PLA2G6: variants seen among roughly 807,000 people sequenced by gnomAD.
PLA2G6 encodes 85/88 kDa calcium-independent phospholipase A2.
Under a neutral mutation model 83.8 loss-of-function variants are expected in PLA2G6, and 62 were observed. The ratio of observed to expected loss-of-function variants is 0.74; its 90% CI spans 0.60 to 0.91. PLA2G6 has a LOEUF of 0.91. Among genes scored for constraint, PLA2G6 ranks in the 40% least tolerant of loss-of-function variants. PLA2G6 has a pLI of 0.00. For missense variants in PLA2G6, 944 were observed against 1,102.0 expected, an observed-to-expected ratio of 0.86 and a Z score of 2.03; for synonymous variants, 417 against 449.8, an observed-to-expected ratio of 0.93 and a Z score of 0.92.
chr22:38,137,146 T>A (rs977809043), intron 5 of PLA2G6: 2 of 152,244 alleles, frequency 1.3e-5, no homozygotes, highest in African/African-American at 4.8e-5. Flanking sequence ...CAGCTGCTGT[T>A]CTCTATTATT....
At chr22:38,158,445 A>G (rs1301836440) in intron 2 of PLA2G6, among the ~76,000 whole-genome samples, 1 of 152,236 alleles carries the variant, frequency 6.6e-6, no homozygotes, top group Non-Finnish European at 1.5e-5. Context: ...TGCTGGGATT[A>G]CAGGCGTGAG....
chr22:38,135,961 G>C (rs2088526871), intron 5 of PLA2G6: 1 of 152,196 alleles, frequency 6.6e-6, no homozygotes, highest in Non-Finnish European at 1.5e-5. Context: ...GTGAAGGACT[G>C]AATGGATAAA....
intron 2 of PLA2G6, among the ~76,000 whole-genome samples, chr22:38,160,575 G>A (rs183112958): frequency 3.3e-5 from 5 of 152,280 alleles, no homozygotes; most frequent in East Asian, 1.9e-4. Flanking sequence ...GGCCGGGGGC[G>A]GTGGCTCACG....
At chr22:38,152,955 G>A (rs878924543) in intron 2 of PLA2G6, among the ~76,000 whole-genome samples, 2 of 152,048 alleles carry the variant, frequency 1.3e-5, no homozygotes, top group African/African-American at 2.4e-5. Flanking sequence ...ATAGGAAGAC[G>A]TCCTCCTGCG....
In PLA2G6 at chr22:38,126,573, C is replaced by T. The variant is rs2087874003; in HGVS notation, c.1349-124G>A. On this transcript the variant is annotated intron_variant, in intron 9 of 16. Transcript: ENST00000332509. ...GGCCACGCCCTCATCCCCCCACTCC[C>T]CCTGTCATCTGTCCCTTCCCCACAG... is the stretch of plus-strand genomic sequence containing the variant. 3 of 714,778 alleles carry T rather than the reference C, an allele frequency of 4.2e-6. 1 individual carries two copies. Among genetic ancestry groups the T allele is most frequent in the South Asian group, 2.9e-5 (2 of 68,792 alleles). The allele number at this position is 714,778 out of a possible 1,614,324, so 44.3% of individuals were successfully genotyped here.
At chr22:38,159,032 C>T (rs1218089638) in intron 2 of PLA2G6, among the ~76,000 whole-genome samples, 1 of 131,802 alleles carries the variant, frequency 7.6e-6, no homozygotes, top group East Asian at 2.0e-4. Flanking sequence ...AACCCCACCT[C>T]TACTAAAAAT....
At chr22:38,169,683 A>G (rs1398903541) in intron 1 of PLA2G6, among the ~76,000 whole-genome samples, 1 of 152,224 alleles carries the variant, frequency 6.6e-6, no homozygotes, top group Non-Finnish European at 1.5e-5. Flanking sequence ...CAGGCTGGCT[A>G]CCTAGAAGGC....
intron 1 of PLA2G6, among the ~76,000 whole-genome samples, chr22:38,174,901 A>AT (rs1267616135): frequency 6.6e-6 from 1 of 152,140 alleles, no homozygotes; most frequent in Non-Finnish European, 1.5e-5. Flanking sequence ...AGCTCCTCTC[A>AT]TGACGAGGAG....
chr22:38,125,273 A>G (rs1184296249), intron 10 of PLA2G6, among the ~76,000 whole-genome samples: 2 of 149,976 alleles, frequency 1.3e-5, no homozygotes, highest in Non-Finnish European at 3.0e-5. Context: ...CAACACATGC[A>G]TGTGGGCAAC....
chr22:38,165,272 C>T (rs577456031), intron 2 of PLA2G6, among the ~76,000 whole-genome samples: 1 of 152,356 alleles, frequency 6.6e-6, no homozygotes, highest in East Asian at 1.9e-4. Flanking sequence ...CTGCTGGGGG[C>T]TGGGCACACT....
intron 1 of PLA2G6, among the ~76,000 whole-genome samples, chr22:38,180,712 T>A (rs923529070): frequency 6.6e-6 from 1 of 152,216 alleles, no homozygotes; most frequent in Non-Finnish European, 1.5e-5. Context: ...AGGGCCATAC[T>A]GGTTATAAAG....
intron 7 of PLA2G6, 34 bp from the exon 8 acceptor site, chr22:38,129,596 C>T (rs2088086046): frequency 6.5e-7 from 1 of 1,536,792 alleles, no homozygotes; most frequent in Non-Finnish European, 9.0e-7. Flanking sequence ...AGACGTGCAA[C>T]TGCCGGGGAA....
chr22:38,137,896 G>A (rs2088652935), intron 5 of PLA2G6: 1 of 152,306 alleles, frequency 6.6e-6, no homozygotes, highest in Non-Finnish European at 1.5e-5. Flanking sequence ...AGTCTGAGCT[G>A]TGAGGGAACC....
rs986956139 is a variant in PLA2G6 at position 38,123,427 on chromosome 22, A to G, written c.1428-169T>C. On this transcript the variant is annotated intron_variant, in intron 10 of 16. Coordinates refer to ENST00000332509, the MANE Select transcript of PLA2G6 (RefSeq NM_003560.4). The surrounding 1 kb of genome is among the most constrained non-coding windows in gnomAD (Gnocchi z 4.1). Reference sequence around the variant, plus strand: ...CAGCGAGGGTGGGGGTGAGGGCAGTAAAGGAACAAATGTCTAGTATTTCAG... The same window carrying G: ...CAGCGAGGGTGGGGGTGAGGGCAGTGAAGGAACAAATGTCTAGTATTTCAG... 1.3e-5 allele frequency among the ~76,000 whole-genome samples: 2 copies of G among 152,170 alleles called. No individual in the cohort carries two copies. Among genetic ancestry groups the G allele is most frequent in the Non-Finnish European group, 2.9e-5 (2 of 68,024 alleles).
chr22:38,179,315 G>A (rs913826106), intron 1 of PLA2G6, among the ~76,000 whole-genome samples: 1 of 152,230 alleles, frequency 6.6e-6, no homozygotes, highest in Non-Finnish European at 1.5e-5. Context: ...CACTCTGGCT[G>A]GGTGTGGGGT....
chr22:38,131,827 G>A lies in PLA2G6; in HGVS notation c.1077+1004C>T, dbSNP rs549848564. On this transcript the variant is annotated intron_variant, in intron 7 of 16. Coordinates refer to ENST00000332509, the MANE Select transcript of PLA2G6 (RefSeq NM_003560.4). ...CACACGGTGGGGCGCGGTGGCTCAC[G>A]CCTGTAATCCCAGCACTTTGGGGTG... is the stretch of plus-strand genomic sequence containing the variant. 5.6e-4 allele frequency: 159 copies of A among 283,166 alleles called. 1 individual carries two copies. The highest frequency in any genetic ancestry group is 3.3e-3 in the African/African-American group (144 of 43,758). The allele number at this position is 283,166 out of a possible 1,614,324, so 17.5% of individuals were successfully genotyped here. A position where few individuals can be genotyped will look rare whatever the true frequency, so the allele number is the denominator to read the frequency against.
intron 3 of PLA2G6, chr22:38,143,731 G>A: frequency 3.2e-6 from 1 of 308,490 alleles, no homozygotes; most frequent in Non-Finnish European, 6.4e-6. Context: ...CTAAAGTGCA[G>A]TGAGGGTTTT....
intron 5 of PLA2G6, chr22:38,138,344 G>A (rs1003849908): frequency 1.3e-5 from 2 of 152,414 alleles, no homozygotes; most frequent in African/African-American, 4.8e-5. Context: ...GCTGTGCTTG[G>A]GAGATTCAAG....
intron 2 of PLA2G6, among the ~76,000 whole-genome samples, chr22:38,168,252 A>G (rs2090297801): frequency 6.6e-6 from 1 of 152,206 alleles, no homozygotes; most frequent in Non-Finnish European, 1.5e-5. Flanking sequence ...TGCTTGGTGC[A>G]TGTTGAATGG....
Sources: gnomAD v4.1 joint callset for allele counts (sites outside exome capture counted in the v4.1 genomes callset) on GRCh38, gnomAD v4.1.1 for gene constraint, Gnocchi (gnomAD v3.1) non-coding constraint, MANE v1.5 for transcripts, NCBI Gene and HGNC (gene_info 2026-07-23, HGNC 2026-07-21) for gene names.